The following ARHGAP26 variants were observed in gnomAD, a reference collection of about 807,000 sequenced individuals.
The protein encoded by ARHGAP26 is Rho GTPase activating protein 26.
Under a neutral mutation model 104.8 loss-of-function variants are expected in ARHGAP26, and 38 were observed. That is an observed-to-expected ratio of 0.36 (90% confidence interval 0.28 to 0.48). The LOEUF (loss-of-function observed/expected upper bound fraction) is 0.48. ARHGAP26 is among the 20% of genes least tolerant of loss of function. ARHGAP26 has a pLI of 0.99. For synonymous variants in ARHGAP26, 341 were observed against 340.0 expected (o/e 1.00, Z -0.03); for missense variants, 704 against 947.9 (o/e 0.74, Z 3.38).
At chr5:142,847,755 C>G (rs1253023863) in intron 1 of ARHGAP26, among the ~76,000 whole-genome samples, 1 of 152,216 alleles carries the variant, frequency 6.6e-6, no homozygotes, top group Admixed American at 6.5e-5. Flanking sequence ...GGGTGGTGGG[C>G]AGTGCTGCAG....
intron 11 of ARHGAP26, among the ~76,000 whole-genome samples, chr5:142,984,054 G>A (rs1458782290): frequency 6.6e-6 from 1 of 152,184 alleles, no homozygotes; most frequent in East Asian, 1.9e-4. Context: ...GCTTCATTGT[G>A]TCTTTTTACT....
In ARHGAP26 at chr5:143,225,135, C is replaced by G; in HGVS notation, c.*2689C>G. 1 of 218,760 alleles carries G rather than the reference C, an allele frequency of 4.6e-6. No individual in the cohort carries two copies. Among genetic ancestry groups the G allele is most frequent in the East Asian group, 6.7e-5 (1 of 14,908 alleles). 13.6% of individuals were successfully genotyped at this position (218,760 alleles called of 1,614,324 possible). A position where few individuals can be genotyped will look rare whatever the true frequency, so the allele number is the denominator to read the frequency against. Reference sequence around the variant, plus strand: ...TGCATTCACATACTATTACGCTTCTCAAAGAGAGACCAACATCATGCTTTT... The same window carrying G: ...TGCATTCACATACTATTACGCTTCTGAAAGAGAGACCAACATCATGCTTTT... On this transcript the variant is annotated 3_prime_UTR_variant, in exon 23 of 23. Coordinates refer to ENST00000645722, the MANE Select transcript of ARHGAP26 (RefSeq NM_001135608.3).
intron 11 of ARHGAP26, among the ~76,000 whole-genome samples, chr5:142,998,219 T>C (rs1263754222): frequency 6.6e-6 from 1 of 152,190 alleles, no homozygotes; most frequent in Non-Finnish European, 1.5e-5. Flanking sequence ...TATTTGTATA[T>C]TTATATATTC....
At chr5:143,093,428 A>G (rs1229095783) in intron 17 of ARHGAP26, among the ~76,000 whole-genome samples, 1 of 152,182 alleles carries the variant, frequency 6.6e-6, no homozygotes, top group African/African-American at 2.4e-5. Context: ...TCAATTATCA[A>G]TTATAGGTTT....
chr5:143,191,151 TAAGTA>T (rs1805869365), intron 20 of ARHGAP26, among the ~76,000 whole-genome samples: 2 of 152,346 alleles, frequency 1.3e-5, no homozygotes, highest in South Asian at 4.1e-4. Flanking sequence ...GTTGTACACT[TAAGTA>T]AGGCAGATAA....
intron 21 of ARHGAP26, 150 bp from the exon 22 acceptor site, chr5:143,213,847 C>G (rs552018737): frequency 2.2e-6 from 1 of 458,402 alleles, no homozygotes; most frequent in Non-Finnish European, 4.0e-6. Flanking sequence ...GCTTTCCCAC[C>G]TCATGTCTTG....
chr5:143,210,606 C>T (rs1443571629), intron 21 of ARHGAP26, among the ~76,000 whole-genome samples: 2 of 152,208 alleles, frequency 1.3e-5, no homozygotes, highest in African/African-American at 2.4e-5. Flanking sequence ...CCCAAAAAAG[C>T]CGATAGCCCC....
At chr5:142,949,178 A>AGAGAGAGAGAGAGAGAGAGAGAGAGGG (rs1562135393) in intron 11 of ARHGAP26, among the ~76,000 whole-genome samples, 1 of 4,748 alleles carries the variant, frequency 2.1e-4, no homozygotes, top group Non-Finnish European at 3.8e-4. Flanking sequence ...AGAGAGAGAG[A>AGAGAGAGAGAGAGAGAGAGAGAGAGGG]GAGAGAGAGA....
At position 142,852,153 on chromosome 5, in the gene ARHGAP26, AAG is replaced by A. The variant is rs531063041; in HGVS notation, c.155-21244_155-21243del. 4.0e-4 allele frequency among the ~76,000 whole-genome samples: 61 copies of A among 152,362 alleles called. 1 individual carries two copies. In the South Asian group the frequency reaches 0.012, roughly 31 times the overall value. ...GCAGAGGAATGTTAAAGAGAAAAGAAAGAGTGAGGTATGCAGCCGCCGGCAAA... is the reference window on the plus strand; with the variant it reads ...GCAGAGGAATGTTAAAGAGAAAAGAAAGTGAGGTATGCAGCCGCCGGCAAA... On this transcript the variant is annotated intron_variant, in intron 1 of 22. Coordinates refer to ENST00000645722, the MANE Select transcript of ARHGAP26 (RefSeq NM_001135608.3).
chr5:142,782,507 A>G (rs193105870), intron 1 of ARHGAP26, among the ~76,000 whole-genome samples: 229 of 152,268 alleles, frequency 1.5e-3, no homozygotes, highest in African/African-American at 4.3e-3. Flanking sequence ...AAAACTCCCC[A>G]GGTGATTCTA....
At chr5:142,777,568 AC>A (rs1756583086) in intron 1 of ARHGAP26, among the ~76,000 whole-genome samples, 1 of 152,242 alleles carries the variant, frequency 6.6e-6, no homozygotes, top group South Asian at 2.1e-4. Flanking sequence ...GCCTCGTTTT[AC>A]CTTTTAAAAT....
At chr5:143,041,696 G>T (rs1341954217) in intron 13 of ARHGAP26, 120 bp from the exon 14 acceptor site, 3 of 713,194 alleles carry the variant, frequency 4.2e-6, no homozygotes, top group African/African-American at 1.9e-5. Context: ...TTTAATTAGA[G>T]CAGCTTTTAG....
intron 8 of ARHGAP26, among the ~76,000 whole-genome samples, chr5:142,906,352 G>A (rs1162370033): frequency 6.6e-6 from 1 of 152,124 alleles, no homozygotes; most frequent in Non-Finnish European, 1.5e-5. Context: ...CATAGATTTA[G>A]CATCCATTGA....
intron 11 of ARHGAP26, among the ~76,000 whole-genome samples, chr5:143,003,366 A>T (rs1261312446): frequency 6.6e-6 from 1 of 152,338 alleles, no homozygotes; most frequent in South Asian, 2.1e-4. Context: ...TAATTTGCTC[A>T]TCAAGGTCAT....
intron 1 of ARHGAP26, among the ~76,000 whole-genome samples, chr5:142,780,718 G>A (rs565395575): frequency 2.0e-5 from 3 of 152,284 alleles, no homozygotes; most frequent in South Asian, 2.1e-4. Context: ...ATCTTTGTGC[G>A]GTGCGTGTAA....
chr5:142,856,184 A>C (rs532015472), intron 1 of ARHGAP26, among the ~76,000 whole-genome samples: 1 of 152,256 alleles, frequency 6.6e-6, no homozygotes, highest in African/African-American at 2.4e-5. Flanking sequence ...AAGTGTGAAA[A>C]GTGTTGGGAG....
chr5:143,034,361 C>T (rs746152422), intron 12 of ARHGAP26, among the ~76,000 whole-genome samples: 4 of 151,908 alleles, frequency 2.6e-5, no homozygotes, highest in African/African-American at 2.4e-5. Context: ...ATCTATCAGC[C>T]GATGAATGGA....
intron 5 of ARHGAP26, among the ~76,000 whole-genome samples, chr5:142,888,341 G>T (rs1001069140): frequency 6.6e-6 from 1 of 152,204 alleles, no homozygotes; most frequent in Non-Finnish European, 1.5e-5. Flanking sequence ...GTTATTTAGT[G>T]CCAGTGTCAT....
intron 11 of ARHGAP26, among the ~76,000 whole-genome samples, chr5:142,998,689 C>T (rs145518906): frequency 5.3e-5 from 8 of 152,042 alleles, no homozygotes; most frequent in African/African-American, 1.9e-4. Context: ...GAGCCACTGC[C>T]CTACAGCCTG....
Sources: allele counts gnomAD v4.1 joint callset (sites outside exome capture counted in the v4.1 genomes callset), GRCh38; gene constraint gnomAD v4.1.1; transcripts MANE v1.5; gene names NCBI Gene and HGNC (gene_info 2026-07-23, HGNC 2026-07-21).